Variants in LUZP2 observed in about 807,000 individuals in gnomAD.
The protein encoded by LUZP2 is leucine zipper protein 2.
In LUZP2, 52 loss-of-function variants were observed where a neutral mutation model predicts 51.6. The observed-to-expected ratio is 1.01, with a 90% confidence interval of 0.81 to 1.27. The LOEUF is 1.27. Among genes scored for constraint, LUZP2 ranks in the 50% most tolerant of loss-of-function variants. The pLI is 0.00. For missense variants in LUZP2, 436 were observed against 395.4 expected (o/e 1.10, Z -0.87); for synonymous variants, 154 against 137.3 (o/e 1.12, Z -0.85).
intron 5 of LUZP2, among the ~76,000 whole-genome samples, chr11:24,890,022 A>T (rs1416840011): frequency 2.0e-5 from 3 of 152,192 alleles, no homozygotes; most frequent in Non-Finnish European, 4.4e-5. Flanking sequence ...ATTCAAGTGA[A>T]ATTTTATTTG....
intron 10 of LUZP2, among the ~76,000 whole-genome samples, chr11:25,065,547 T>C (rs1213834589): frequency 1.3e-5 from 2 of 152,030 alleles, no homozygotes; most frequent in Non-Finnish European, 2.9e-5. Context: ...TTTAAGAATT[T>C]AAACATTGAC....
chr11:24,862,691 A>G (rs991313037), intron 5 of LUZP2, among the ~76,000 whole-genome samples: 2 of 152,176 alleles, frequency 1.3e-5, no homozygotes, highest in African/African-American at 4.8e-5. Flanking sequence ...ATGGAGGACA[A>G]TTTAAGAAAT....
At chr11:25,048,458 T>A (rs1389290664) in intron 9 of LUZP2, among the ~76,000 whole-genome samples, 3 of 152,190 alleles carry the variant, frequency 2.0e-5, no homozygotes, top group Non-Finnish European at 4.4e-5. Context: ...CTTATGTGAA[T>A]AACAATCAGA....
At chr11:24,640,572 T>G (rs932749693) in intron 1 of LUZP2, among the ~76,000 whole-genome samples, 5 of 149,432 alleles carry the variant, frequency 3.3e-5, no homozygotes, top group Admixed American at 6.6e-5. Context: ...ATAAAATACT[T>G]TATTTATTTA....
chr11:24,675,644 C>T (rs985002847), intron 1 of LUZP2, among the ~76,000 whole-genome samples: 7 of 151,936 alleles, frequency 4.6e-5, no homozygotes, highest in Admixed American at 2.0e-4. Flanking sequence ...TATTAATACT[C>T]TAGTGAACAT....
chr11:24,818,779 G>A (rs1850266611), intron 5 of LUZP2, among the ~76,000 whole-genome samples: 1 of 151,654 alleles, frequency 6.6e-6, no homozygotes, highest in Non-Finnish European at 1.5e-5. Flanking sequence ...CCCCTTACTT[G>A]GCTTGATCCT....
At chr11:24,691,134 A>G (rs893027307) in intron 1 of LUZP2, among the ~76,000 whole-genome samples, 1 of 151,992 alleles carries the variant, frequency 6.6e-6, no homozygotes, top group Non-Finnish European at 1.5e-5. Flanking sequence ...ACAACAAACA[A>G]CATGTGTATT....
At chr11:25,018,160 A>G (rs920156168) in intron 9 of LUZP2, among the ~76,000 whole-genome samples, 3 of 151,718 alleles carry the variant, frequency 2.0e-5, no homozygotes, top group African/African-American at 7.2e-5. Context: ...GTACATTGAT[A>G]CTTGAGACTT....
chr11:24,605,295 T>G (rs1300116302), intron 1 of LUZP2, among the ~76,000 whole-genome samples: 1 of 151,760 alleles, frequency 6.6e-6, no homozygotes, highest in Non-Finnish European at 1.5e-5. Context: ...GTCCTCTAAT[T>G]AAACTCAAGA....
chr11:24,530,762 C>CTTTTTTTTTTTTTTTTTTT (rs367857815), intron 1 of LUZP2, among the ~76,000 whole-genome samples: 3 of 75,362 alleles, frequency 4.0e-5, no homozygotes, highest in African/African-American at 8.6e-5. Context: ...CTTCTTCTTA[C>CTTTTTTTTTTTTTTTTTTT]TTTTTTTTTT....
chr11:24,952,633 A>G (rs1052835965), intron 7 of LUZP2, among the ~76,000 whole-genome samples: 34 of 151,876 alleles, frequency 2.2e-4, no homozygotes, highest in Admixed American at 5.3e-4. Context: ...TCTTGAAATC[A>G]TCAGTACCTG....
chr11:24,958,644 T>C (rs1323336776), intron 7 of LUZP2, among the ~76,000 whole-genome samples: 2 of 152,166 alleles, frequency 1.3e-5, no homozygotes, highest in Non-Finnish European at 2.9e-5. Context: ...TTGTAGATTC[T>C]GGATATTAGC....
intron 1 of LUZP2, among the ~76,000 whole-genome samples, chr11:24,581,290 G>C (rs1253107340): frequency 6.6e-6 from 1 of 151,260 alleles, no homozygotes; most frequent in Admixed American, 6.6e-5. Flanking sequence ...AACAAAAACA[G>C]TGATCCTAGT....
intron 1 of LUZP2, among the ~76,000 whole-genome samples, chr11:24,511,836 T>C (rs899665124): frequency 1.3e-5 from 2 of 152,254 alleles, no homozygotes; most frequent in Non-Finnish European, 2.9e-5. Flanking sequence ...GTGATATAGA[T>C]GATTTTTAAA....
intron 5 of LUZP2, among the ~76,000 whole-genome samples, chr11:24,832,250 T>C (rs1377413166): frequency 2.6e-5 from 4 of 151,902 alleles, no homozygotes; most frequent in Non-Finnish European, 5.9e-5. Context: ...TACTGGAAAA[T>C]GTTGATGTTA....
intron 1 of LUZP2, among the ~76,000 whole-genome samples, chr11:24,652,421 T>G (rs1855656473): frequency 6.6e-6 from 1 of 152,074 alleles, no homozygotes; most frequent in African/African-American, 2.4e-5. Context: ...AGCCTCAATC[T>G]TAGATGGACT....
intron 9 of LUZP2, among the ~76,000 whole-genome samples, chr11:25,045,815 A>G (rs1858288097): frequency 6.6e-6 from 1 of 152,056 alleles, no homozygotes; most frequent in Non-Finnish European, 1.5e-5. Context: ...GTTTCACTTT[A>G]TTGACTTGAT....
At chr11:25,051,476 A>C (rs2134024223) in intron 10 of LUZP2, among the ~76,000 whole-genome samples, 1 of 152,358 alleles carries the variant, frequency 6.6e-6, no homozygotes, top group East Asian at 1.9e-4. Context: ...AGAGTCAAAA[A>C]GACTTTGGGC....
At chr11:24,692,079 A>G (rs1430648146) in intron 1 of LUZP2, among the ~76,000 whole-genome samples, 1 of 151,846 alleles carries the variant, frequency 6.6e-6, no homozygotes, top group Non-Finnish European at 1.5e-5. Flanking sequence ...TCATGCTTAC[A>G]TGGCATTTTA....
Sources: allele counts gnomAD v4.1 joint callset (sites outside exome capture counted in the v4.1 genomes callset), GRCh38; gene constraint gnomAD v4.1.1; transcripts MANE v1.5; gene names NCBI Gene and HGNC (gene_info 2026-07-23, HGNC 2026-07-21).